MTMR10: variants seen among roughly 807,000 people sequenced by gnomAD.
MTMR10 encodes myotubularin related protein 10.
Under a neutral mutation model 88.1 loss-of-function variants are expected in MTMR10, and 56 were observed. The ratio of observed to expected loss-of-function variants is 0.64; its 90% CI spans 0.51 to 0.79. The LOEUF (loss-of-function observed/expected upper bound fraction) is 0.79, where lower values mean the gene tolerates loss of function less well. Among genes scored for constraint, MTMR10 ranks in the 30% least tolerant of loss-of-function variants. The probability of loss-of-function intolerance (pLI) is 0.00; values close to 1 mark genes in which losing one functional copy is unlikely to be tolerated. For synonymous variants in MTMR10, 380 were observed against 340.9 expected (o/e 1.11, Z -1.26); for missense variants, 883 against 924.7 (o/e 0.95, Z 0.58).
In MTMR10 at chr15:30,941,161, C is replaced by CAGAT. The variant is rs1435028911; in HGVS notation, c.*305_*308dup. The CAGAT allele has an allele frequency of 2.4e-5, 31 of 1,309,968 alleles. No individual in the cohort carries two copies. Among genetic ancestry groups the CAGAT allele is most frequent in the Middle Eastern group, 2.0e-4 (1 of 4,888 alleles). The allele number at this position is 1,309,968 out of a possible 1,614,324, so 81.1% of individuals were successfully genotyped here. ...TGGGGCTGCTAATGTGACTGACTAT[C>CAGAT]AGATAGCCTTCAGGAGGTGGTAGGA... On this transcript the variant is annotated 3_prime_UTR_variant, in exon 16 of 16. Transcript: ENST00000435680.
Position 30,963,666 on chromosome 15 carries a change from C to CAGACAGATAGAT in MTMR10, c.566-2605_566-2594dup, listed in dbSNP as rs1332987910. On this transcript the variant is annotated intron_variant, in intron 6 of 15. Coordinates refer to ENST00000435680, the MANE Select transcript of MTMR10 (RefSeq NM_017762.3). ...ATAAATAGACAGATAGATAGATAGA[C>CAGACAGATAGAT]AGACAGATAGATAGATAGATAGATA... is the stretch of plus-strand genomic sequence containing the variant. 1.1e-4 allele frequency among the ~76,000 whole-genome samples: 16 copies of CAGACAGATAGAT among 148,926 alleles called. No homozygotes were observed. The South Asian group carries it at 2.3e-3, about 22-fold the overall frequency.
chr15:30,921,226 T>G, the MTMR10 span, among the ~76,000 whole-genome samples: 1 of 152,090 alleles, frequency 6.6e-6, no homozygotes. Context: ...CAGGATGGCC[T>G]GGGGGTGGCG....
At position 30,976,877 on chromosome 15, in the gene MTMR10, T is replaced by C. The variant is rs1419276380; in HGVS notation, c.200A>G (p.Lys67Arg). The C allele has an allele frequency of 5.6e-6, 9 of 1,613,840 alleles. No individual in the cohort carries two copies. The highest frequency in any genetic ancestry group is 7.6e-6 in the Non-Finnish European group (9 of 1,179,844). Residue 67 changes from lysine to arginine, a missense_variant, in exon 3 of 16, where the codon AAG becomes AGG. Physicochemically the swap from Lys to Arg is conservative, Grantham distance 26. Coordinates refer to ENST00000435680, the MANE Select transcript of MTMR10 (RefSeq NM_017762.3). ...TDTSQYDLWGKLICSNFKISF... is the reference protein window; with the variant it reads ...TDTSQYDLWGRLICSNFKISF... Reference sequence around the variant, plus strand: ...GATTTTGAAGTTACTGCATATCAGCTTTCCCCACAAATCGTACTGGCTTGT... The same window carrying C: ...GATTTTGAAGTTACTGCATATCAGCCTTCCCCACAAATCGTACTGGCTTGT...
At chr15:30,926,506 C>T in the MTMR10 span, 1 of 388,496 alleles carries the variant, frequency 2.6e-6, no homozygotes, top group Non-Finnish European at 3.5e-6. Context: ...GGAAGATTAA[C>T]AAGTACTATA....
intron 6 of MTMR10, among the ~76,000 whole-genome samples, chr15:30,964,847 T>C (rs573908376): frequency 6.6e-6 from 1 of 152,308 alleles, no homozygotes; most frequent in African/African-American, 2.4e-5. Context: ...AATCCTATAC[T>C]GTTGGGGTTA....
At chr15:30,961,683 T>C (rs939448822) in intron 6 of MTMR10, among the ~76,000 whole-genome samples, 1 of 152,224 alleles carries the variant, frequency 6.6e-6, no homozygotes, top group East Asian at 1.9e-4. Flanking sequence ...TGAAAACACT[T>C]TGATCACGCC....
the MTMR10 span, chr15:30,927,735 CCT>C: frequency 3.0e-6 from 3 of 985,724 alleles, no homozygotes; most frequent in Non-Finnish European, 3.6e-6. Flanking sequence ...GTGGCCTCCT[CCT>C]CTGTCGGGAG....
At chr15:30,944,603 T>A (rs1246349641) in intron 14 of MTMR10, among the ~76,000 whole-genome samples, 1 of 151,894 alleles carries the variant, frequency 6.6e-6, no homozygotes, top group African/African-American at 2.4e-5. Context: ...ACTTGACATT[T>A]CATCATGTAC....
Position 30,941,788 on chromosome 15 carries a change from C to A in MTMR10, c.2016G>T (p.Leu672=). The change falls in exon 16 of 16, where the codon CTG becomes CTT. Residue 672 remains leucine, a synonymous_variant. Transcript: ENST00000435680. ...TGTGAAAGGCTGTGATGGAGCCACC[C>A]AGGCTGATCTGGGCCTCGGGAACCC... ...FRWVPEAQIS[L]GGSITAFHKL... The A allele has an allele frequency of 6.2e-7, 1 of 1,614,036 alleles. No individual in the cohort carries two copies. The highest frequency in any genetic ancestry group is 8.5e-7 in the Non-Finnish European group (1 of 1,179,890).
At chr15:30,923,162 T>C in the MTMR10 span, among the ~76,000 whole-genome samples, 1 of 152,192 alleles carries the variant, frequency 6.6e-6, no homozygotes, top group African/African-American at 2.4e-5. Context: ...AAATATGACA[T>C]CTTGTTTTTA....
intron 6 of MTMR10, among the ~76,000 whole-genome samples, chr15:30,964,742 T>A (rs2063453103): frequency 6.6e-6 from 1 of 152,332 alleles, no homozygotes; most frequent in East Asian, 1.9e-4. Context: ...GCTACCTGAC[T>A]GAGGTTTTAT....
chr15:30,987,105 A>G (rs1438310572), intron 2 of MTMR10, among the ~76,000 whole-genome samples: 1 of 152,246 alleles, frequency 6.6e-6, no homozygotes, highest in Non-Finnish European at 1.5e-5. Context: ...AGCCTACACA[A>G]AAGCTGACTA....
chr15:30,918,905 C>G, the MTMR10 span, among the ~76,000 whole-genome samples: 1 of 151,978 alleles, frequency 6.6e-6, no homozygotes, highest in African/African-American at 2.4e-5. Context: ...GGGTACCGAC[C>G]CCTCAGACAG....
At chr15:30,952,436 C>G (rs987414465) in intron 11 of MTMR10, among the ~76,000 whole-genome samples, 2 of 152,222 alleles carry the variant, frequency 1.3e-5, no homozygotes, top group Non-Finnish European at 2.9e-5. Context: ...CATATCACAG[C>G]TCATTGTAAC....
intron 2 of MTMR10, among the ~76,000 whole-genome samples, chr15:30,989,327 G>A (rs1165348393): frequency 6.6e-6 from 1 of 152,108 alleles, no homozygotes; most frequent in Middle Eastern, 3.2e-3. Context: ...ACTGTTGAGT[G>A]AAAAGCACTA....
chr15:30,938,866 T>C (rs1361410072), downstream of MTMR10: 4 of 955,748 alleles, frequency 4.2e-6, no homozygotes, highest in African/African-American at 7.1e-5. Context: ...CACAGAAGTA[T>C]GGGTAGGAGA....
chr15:30,925,350 C>T, the MTMR10 span: 6,442 of 1,469,644 alleles, frequency 4.4e-3, 30 homozygotes, highest in South Asian at 9.6e-3. Context: ...TTTTTTTGGA[C>T]CAGAAGCATC....
Position 30,940,565 on chromosome 15 carries a change from C to T in MTMR10, c.*905G>A, listed in dbSNP as rs1396469345. On this transcript the variant is annotated 3_prime_UTR_variant, in exon 16 of 16. Coordinates refer to ENST00000435680, the MANE Select transcript of MTMR10 (RefSeq NM_017762.3). ...CTGATGGCCAAGCCCAGCACGCCTC[C>T]CAGCAAGCCTTGTTTGTTTTTGAGG... The T allele has an allele frequency of 1.7e-5, 17 of 985,534 alleles. No homozygotes were observed. Among genetic ancestry groups the T allele is most frequent in the Middle Eastern group, 5.2e-4 (1 of 1,914 alleles). The allele number at this position is 985,534 out of a possible 1,614,324, so 61.0% of individuals were successfully genotyped here.
At chr15:30,929,103 C>T in the MTMR10 span, 20 of 943,478 alleles carry the variant, frequency 2.1e-5, 1 homozygote, top group Middle Eastern at 3.3e-4. Context: ...AAGAATGTAT[C>T]GGTTGGCCGG....
Sources: allele counts gnomAD v4.1 joint callset (sites outside exome capture counted in the v4.1 genomes callset), GRCh38; gene constraint gnomAD v4.1.1; transcripts MANE v1.5; gene names NCBI Gene and HGNC (gene_info 2026-07-23, HGNC 2026-07-21).